The following VWDE variants were observed in gnomAD, a reference collection of about 807,000 sequenced individuals.
The protein encoded by VWDE is von Willebrand factor D and EGF domains.
In VWDE, 207 loss-of-function variants were observed where a neutral mutation model predicts 178.4. The observed-to-expected ratio is 1.16, with a 90% CI of 1.04 to 1.30. The LOEUF is 1.30. Among genes scored for constraint, VWDE ranks in the 50% most tolerant of loss-of-function variants. The pLI, the probability that VWDE is intolerant of heterozygous loss-of-function variation, is 0.00. For missense variants in VWDE, 2,287 were observed against 1,901.3 expected, an observed-to-expected ratio of 1.20 and a Z score of -3.77; for synonymous variants, 738 against 651.4, an observed-to-expected ratio of 1.13 and a Z score of -2.02.
intron 9 of VWDE, among the ~76,000 whole-genome samples, 163 bp from the exon 10 acceptor site, chr7:12,373,410 C>T (rs1214471174): frequency 6.6e-6 from 1 of 152,076 alleles, no homozygotes; most frequent in Non-Finnish European, 1.5e-5. Context: ...CTCCTTTCTT[C>T]CCTTTCACCA....
chr7:12,359,860 C>T (rs939947798), intron 15 of VWDE, among the ~76,000 whole-genome samples, 168 bp from the exon 16 acceptor site: 2 of 151,918 alleles, frequency 1.3e-5, no homozygotes, highest in African/African-American at 2.4e-5. Flanking sequence ...TACCTGAATA[C>T]GTAAATGTCT....
At chr7:12,400,637 C>G (rs1255535280) in intron 1 of VWDE, among the ~76,000 whole-genome samples, 1 of 152,104 alleles carries the variant, frequency 6.6e-6, no homozygotes, top group African/African-American at 2.4e-5. Flanking sequence ...AGAATTACCA[C>G]CAATTTGTCT....
At chr7:12,341,762 C>G (rs1027069986) in intron 23 of VWDE, among the ~76,000 whole-genome samples, 2 of 152,026 alleles carry the variant, frequency 1.3e-5, no homozygotes, top group African/African-American at 4.8e-5. Context: ...TAAAAGAAAC[C>G]TAGAAGATTC....
intron 27 of VWDE, among the ~76,000 whole-genome samples, chr7:12,335,233 C>T (rs1780952931): frequency 6.6e-6 from 1 of 152,086 alleles, no homozygotes; most frequent in African/African-American, 2.4e-5. Context: ...GAGGGATTTG[C>T]AGTTTTTCCC....
intron 27 of VWDE, 124 bp from the exon 28 acceptor site, chr7:12,333,692 G>C: frequency 3.1e-6 from 2 of 652,744 alleles, no homozygotes; most frequent in Non-Finnish European, 5.5e-6. Flanking sequence ...ATCTATTAAT[G>C]AACCATCAAT....
chr7:12,331,424 G>A (rs1424869399), intron 28 of VWDE, among the ~76,000 whole-genome samples: 2 of 152,058 alleles, frequency 1.3e-5, no homozygotes, highest in South Asian at 2.1e-4. Context: ...TGATTCCATC[G>A]TGGCAAAATG....
At chr7:12,376,948 A>G (rs1294692999) in intron 7 of VWDE, among the ~76,000 whole-genome samples, 2 of 151,784 alleles carry the variant, frequency 1.3e-5, no homozygotes, top group Non-Finnish European at 2.9e-5. Context: ...TTAATTATTT[A>G]TAATATGGAC....
chr7:12,401,557 G>A (rs1275068246), intron 1 of VWDE, among the ~76,000 whole-genome samples: 1 of 152,122 alleles, frequency 6.6e-6, no homozygotes, highest in Non-Finnish European at 1.5e-5. Flanking sequence ...GACATCATTA[G>A]CCATTAGGAA....
Position 12,360,103 on chromosome 7 carries a change from C to T in VWDE, c.3160-411G>A, listed in dbSNP as rs549024800. On this transcript the variant is annotated intron_variant, in intron 15 of 28. Coordinates refer to ENST00000275358, the MANE Select transcript of VWDE (RefSeq NM_001135924.3). ...AGCTATTTTCCATTTCCCTAGCAGC[C>T]CACTGTGTTCTGTGAACACAGCCAA... 2.6e-5 allele frequency among the ~76,000 whole-genome samples: 4 copies of T among 152,174 alleles called. No homozygotes were observed. In the South Asian group the frequency reaches 8.3e-4, roughly 32 times the overall value.
intron 24 of VWDE, 129 bp from the exon 25 acceptor site, chr7:12,337,401 C>T (rs1781105189): frequency 2.5e-6 from 2 of 799,040 alleles, no homozygotes; most frequent in Admixed American, 2.1e-5. Context: ...TAAAAGATCA[C>T]TCATTAAACC....
rs573115223 is a variant in VWDE at position 12,359,790 on chromosome 7, C to T, written c.3160-98G>A. 52 of 670,198 alleles carry T rather than the reference C, an allele frequency of 7.8e-5. No individual in the cohort carries two copies. The South Asian group carries it at 9.6e-4, about 12-fold the overall frequency. 41.5% of individuals were successfully genotyped at this position (670,198 alleles called of 1,614,324 possible). ...GCAGTGTATGTATTGATGATTCCAA[C>T]GAAAGCACATACATCTATTTTGATA... On this transcript the variant is annotated intron_variant, in intron 15 of 28. Coordinates refer to ENST00000275358, the MANE Select transcript of VWDE (RefSeq NM_001135924.3).
At chr7:12,372,903 C>G in intron 10 of VWDE, 74 bp downstream of exon 10, 1 of 1,379,150 alleles carries the variant, frequency 7.3e-7, no homozygotes, top group Non-Finnish European at 9.9e-7. Flanking sequence ...AATGATAGCT[C>G]CTAATTTAAT....
intron 19 of VWDE, among the ~76,000 whole-genome samples, chr7:12,349,485 A>G (rs1232129650): frequency 6.6e-6 from 1 of 151,410 alleles, no homozygotes; most frequent in Non-Finnish European, 1.5e-5. Context: ...AAGAGAAGCT[A>G]TAAATAAAAG....
At chr7:12,333,377 A>G in intron 28 of VWDE, 88 bp downstream of exon 28, 1 of 792,160 alleles carries the variant, frequency 1.3e-6, no homozygotes, top group Non-Finnish European at 1.9e-6. Flanking sequence ...AAATAATAAA[A>G]AAACATTAAT....
At chr7:12,357,623 T>C (rs1782333269) in intron 16 of VWDE, 108 bp from the exon 17 acceptor site, 1 of 1,248,420 alleles carries the variant, frequency 8.0e-7, no homozygotes, top group Non-Finnish European at 1.1e-6. Context: ...TGAACTCTGC[T>C]AAAAGGTCTA....
chr7:12,375,262 A>G (rs1783461077), intron 7 of VWDE, 35 bp from the exon 8 acceptor site: 1 of 1,457,440 alleles, frequency 6.9e-7, no homozygotes. Flanking sequence ...AAAATTTCCA[A>G]GAGAATATAC....
intron 19 of VWDE, 118 bp downstream of exon 19, chr7:12,351,455 T>C: frequency 1.8e-6 from 2 of 1,096,642 alleles, no homozygotes; most frequent in South Asian, 3.8e-5. Context: ...CCGCATCATA[T>C]AACCTTTAGG....
At chr7:12,345,802 T>C (rs991808850) in intron 19 of VWDE, among the ~76,000 whole-genome samples, 2 of 152,122 alleles carry the variant, frequency 1.3e-5, no homozygotes, top group Non-Finnish European at 1.5e-5. Context: ...TGATGGGAAA[T>C]AGGCTTTACT....
chr7:12,355,593 GC>G (rs996109726), intron 18 of VWDE, among the ~76,000 whole-genome samples: 1 of 151,906 alleles, frequency 6.6e-6, no homozygotes, highest in Admixed American at 6.6e-5. Context: ...TTTTTAAAAA[GC>G]TGCGGGAAAT....
Sources: allele counts gnomAD v4.1 joint callset (sites outside exome capture counted in the v4.1 genomes callset), GRCh38; gene constraint gnomAD v4.1.1; transcripts MANE v1.5; gene names NCBI Gene and HGNC (gene_info 2026-07-23, HGNC 2026-07-21).